The following PHF2 variants were observed in gnomAD, a reference collection of about 807,000 sequenced individuals.
The protein encoded by PHF2 is lysine-specific demethylase PHF2.
A neutral mutation model predicts 120.5 loss-of-function variants in PHF2; 27 were observed. The ratio of observed to expected loss-of-function variants is 0.22; its 90% CI spans 0.17 to 0.31. The LOEUF (loss-of-function observed/expected upper bound fraction) is 0.31. PHF2 is among the 10% of genes least tolerant of loss of function. PHF2 has a pLI of 1.00. For missense variants in PHF2, 1,024 were observed against 1,434.8 expected (o/e 0.71, Z 4.63); for synonymous variants, 568 against 592.5 (o/e 0.96, Z 0.60).
chr9:93,656,435 G>C lies in PHF2; in HGVS notation c.1041-54G>C, dbSNP rs1477060143. ...TGTCTGGGGCCTGGATTGATGCCCA[G>C]CGTCGCCTGCTTGATGGTCAGTGCA... On this transcript the variant is annotated intron_variant, in intron 8 of 21. Transcript: ENST00000359246. The surrounding 1 kb of genome is among the most constrained non-coding windows in gnomAD (Gnocchi z 4.1). 7 of 1,255,354 alleles carry C rather than the reference G, an allele frequency of 5.6e-6. No individual in the cohort carries two copies. The highest frequency in any genetic ancestry group is 4.8e-5 in the South Asian group (4 of 83,002). 77.8% of individuals were successfully genotyped at this position (1,255,354 alleles called of 1,614,324 possible).
chr9:93,660,054 G>T (rs1826531912), intron 11 of PHF2, 138 bp from the exon 12 acceptor site: 3 of 1,027,750 alleles, frequency 2.9e-6, no homozygotes, highest in Admixed American at 3.1e-5. Flanking sequence ...ACATGATGGT[G>T]TGGGGTAGCT....
intron 1 of PHF2, among the ~76,000 whole-genome samples, chr9:93,619,315 G>A (rs1446745446): frequency 2.0e-5 from 3 of 152,210 alleles, no homozygotes; most frequent in Non-Finnish European, 4.4e-5. Context: ...CCATCTCTTA[G>A]GGACCAGGCG....
chr9:93,636,606 G>A, intron 3 of PHF2, 81 bp downstream of exon 3: 1 of 1,022,170 alleles, frequency 9.8e-7, no homozygotes. Flanking sequence ...GCTATCCATT[G>A]CTGGGGGCTT....
intron 6 of PHF2, 109 bp from the exon 7 acceptor site, chr9:93,654,304 C>A: frequency 1.1e-6 from 1 of 939,570 alleles, no homozygotes; most frequent in Non-Finnish European, 1.6e-6. Context: ...GTGTTGCAGG[C>A]GGGAGTCGTG....
intron 2 of PHF2, among the ~76,000 whole-genome samples, chr9:93,633,805 G>A (rs763645072): frequency 3.9e-5 from 6 of 152,138 alleles, no homozygotes; most frequent in Non-Finnish European, 8.8e-5. Flanking sequence ...GACAGGTGAC[G>A]GGGAGGACGC....
At chr9:93,633,724 G>A (rs1398709729) in intron 2 of PHF2, among the ~76,000 whole-genome samples, 1 of 152,230 alleles carries the variant, frequency 6.6e-6, no homozygotes, top group Non-Finnish European at 1.5e-5. Context: ...GTACGCAGGT[G>A]TAGCCGGGGG....
At chr9:93,641,468 G>A (rs1035771946) in intron 3 of PHF2, among the ~76,000 whole-genome samples, 3 of 152,206 alleles carry the variant, frequency 2.0e-5, no homozygotes, top group African/African-American at 7.2e-5. Context: ...GTGGTTGGTT[G>A]TTTGCCCTAT....
intron 1 of PHF2, among the ~76,000 whole-genome samples, chr9:93,580,308 C>T (rs760468248): frequency 4.6e-5 from 7 of 152,198 alleles, no homozygotes; most frequent in Non-Finnish European, 7.3e-5. Context: ...CGCTGGAGGC[C>T]GGTTGCCTTC....
chr9:93,614,513 TG>T (rs1825689665), intron 1 of PHF2, among the ~76,000 whole-genome samples: 1 of 152,172 alleles, frequency 6.6e-6, no homozygotes, highest in South Asian at 2.1e-4. Context: ...TTGGGTGAAG[TG>T]GGGGCACAGC....
chr9:93,648,063 A>G (rs1458614307), intron 4 of PHF2, among the ~76,000 whole-genome samples: 1 of 152,214 alleles, frequency 6.6e-6, no homozygotes, highest in Non-Finnish European at 1.5e-5. Flanking sequence ...AGTTGCCTCA[A>G]AAGTGCCTTT....
At chr9:93,668,544 A>G (rs1429964272) in intron 17 of PHF2, among the ~76,000 whole-genome samples, 1 of 152,136 alleles carries the variant, frequency 6.6e-6, no homozygotes, top group African/African-American at 2.4e-5. Flanking sequence ...ATGAGGGCAG[A>G]CAGGGCCAAA....
intron 2 of PHF2, among the ~76,000 whole-genome samples, chr9:93,635,603 C>G (rs1026828620): frequency 6.6e-6 from 1 of 152,184 alleles, no homozygotes; most frequent in African/African-American, 2.4e-5. Context: ...GAAATTGCTT[C>G]CCTCCCCTTA....
chr9:93,615,129 GATGGTGATGGTGATAGTA>G (rs1825704539), intron 1 of PHF2, among the ~76,000 whole-genome samples: 1 of 151,712 alleles, frequency 6.6e-6, no homozygotes, highest in African/African-American at 2.4e-5. Flanking sequence ...TGGCGATGAT[GATGGTGATGGTGATAGTA>G]ATGGTGATGA....
intron 3 of PHF2, among the ~76,000 whole-genome samples, chr9:93,643,775 C>A (rs543757701): frequency 6.6e-6 from 1 of 152,162 alleles, no homozygotes. Context: ...CCACATGTGT[C>A]CCCAGATCAG....
At chr9:93,583,459 CTA>C (rs1325032259) in intron 1 of PHF2, among the ~76,000 whole-genome samples, 3 of 152,188 alleles carry the variant, frequency 2.0e-5, no homozygotes, top group African/African-American at 7.2e-5. Context: ...TATGGTAACT[CTA>C]TGTTTAACTT....
At chr9:93,590,349 C>A (rs544516005) in intron 1 of PHF2, among the ~76,000 whole-genome samples, 26 of 152,300 alleles carry the variant, frequency 1.7e-4, no homozygotes, top group Non-Finnish European at 3.5e-4. Context: ...AGCAGGTTTT[C>A]CCTGAGAAGT....
rs1826468052 is a variant in PHF2 at position 93,656,766 on chromosome 9, G to C, written c.1147+171G>C. 6.6e-6 allele frequency among the ~76,000 whole-genome samples: 1 copy of C among 152,144 alleles called. No individual in the cohort carries two copies. Among genetic ancestry groups the C allele is most frequent in the African/African-American group, 2.4e-5 (1 of 41,432 alleles). ...CAGTTTCCCCATCTGTATAATGCAG[G>C]ACTAGATTGAACAGGCTGGGCCTCT... On this transcript the variant is annotated intron_variant, in intron 9 of 21. Transcript: ENST00000359246. This position sits in a 1 kb window ranked among gnomAD's most constrained non-coding sequence, Gnocchi z 4.1.
In PHF2 at chr9:93,630,075, C is replaced by T. The variant is rs202091080; in HGVS notation, c.184+20C>T. 2.2e-5 allele frequency: 35 copies of T among 1,609,342 alleles called. No homozygotes were observed. The East Asian group carries it at 3.6e-4, about 16-fold the overall frequency. ...CCACCTGTAAGTACCGCAGCCCAAG[C>T]GGCCATCTCTTGCGGAAGAGAGCAG... is the stretch of plus-strand genomic sequence containing the variant. On this transcript the variant is annotated intron_variant, in intron 2 of 21. Transcript: ENST00000359246.
rs117304119 is a variant in PHF2, at chr9:93,586,156, C to T, written c.98+9285C>T. Among the ~76,000 whole-genome samples the T allele has an allele frequency of 3.9e-3, 587 of 152,300 alleles. 3 individuals are homozygous for T. Among genetic ancestry groups the T allele is most frequent in the Non-Finnish European group, 5.6e-3 (383 of 68,004 alleles). On this transcript the variant is annotated intron_variant, in intron 1 of 21. Transcript: ENST00000359246. ...GGGCTTTGGGAGGGCTCACTGAACC[C>T]GGGGAGAGGGACCCCATGGCCCCGC...
Sources: gnomAD v4.1 joint callset for allele counts (sites outside exome capture counted in the v4.1 genomes callset) on GRCh38, gnomAD v4.1.1 for gene constraint, Gnocchi (gnomAD v3.1) non-coding constraint, MANE v1.5 for transcripts, NCBI Gene and HGNC (gene_info 2026-07-23, HGNC 2026-07-21) for gene names.